The following SEMA4D variants were observed in gnomAD, a reference collection of about 807,000 sequenced individuals.
The protein encoded by SEMA4D is semaphorin-4D.
A neutral mutation model predicts 74.8 loss-of-function variants in SEMA4D; 22 were observed. That is an observed-to-expected ratio of 0.29 (90% CI 0.21 to 0.42). The LOEUF (loss-of-function observed/expected upper bound fraction) is 0.42, where lower values mean the gene tolerates loss of function less well. SEMA4D is among the 10% of genes least tolerant of loss of function. The pLI, the probability that SEMA4D is intolerant of heterozygous loss-of-function variation, is 1.00. For synonymous variants in SEMA4D, 445 were observed against 463.7 expected (o/e 0.96, Z 0.52); for missense variants, 937 against 1,118.4 (o/e 0.84, Z 2.31).
rs925697923 is a variant in SEMA4D at position 89,388,502 on chromosome 9, C to T, written c.1107+134G>A. 2.1e-5 allele frequency: 22 copies of T among 1,044,136 alleles called. No individual in the cohort carries two copies. The Admixed American group carries it at 4.2e-4, about 20-fold the overall frequency. 64.7% of individuals were successfully genotyped at this position (1,044,136 alleles called of 1,614,324 possible). ...AGAAGGATGAGCTGTGCTCATCGGC[C>T]GTCCCTGTCCCAATGCAGAGAGCCT... On this transcript the variant is annotated intron_variant, in intron 11 of 15. Coordinates refer to ENST00000422704, the MANE Select transcript of SEMA4D (RefSeq NM_001371194.2).
At position 89,377,908 on chromosome 9, in the gene SEMA4D, T is replaced by A; in HGVS notation, c.*796A>T. On this transcript the variant is annotated 3_prime_UTR_variant, in exon 16 of 16. Coordinates refer to ENST00000422704, the MANE Select transcript of SEMA4D (RefSeq NM_001371194.2). ...AGTAAAAGTTAAAAAAAAAGAAAAG[T>A]AAAACGAAGTACAGAAAGAAAATCT... is the stretch of plus-strand genomic sequence containing the variant. 1 of 145,874 alleles carries A rather than the reference T, an allele frequency of 6.9e-6. No individual in the cohort carries two copies. The highest frequency in any genetic ancestry group is 2.6e-5 in the African/African-American group (1 of 39,128). 9.0% of individuals were successfully genotyped at this position (145,874 alleles called of 1,614,324 possible). A position where few individuals can be genotyped will look rare whatever the true frequency, so the allele number is the denominator to read the frequency against.
chr9:89,400,632 T>A (rs903937035), intron 4 of SEMA4D, among the ~76,000 whole-genome samples: 2 of 152,192 alleles, frequency 1.3e-5, no homozygotes, highest in Non-Finnish European at 2.9e-5. Flanking sequence ...GAACAGAGTC[T>A]CATTTAAAAT....
intron 6 of SEMA4D, among the ~76,000 whole-genome samples, chr9:89,395,260 T>C (rs1391623301): frequency 6.6e-6 from 1 of 151,994 alleles, no homozygotes; most frequent in East Asian, 1.9e-4. Flanking sequence ...ACCCCATCTC[T>C]ACTAAAAATA....
At chr9:89,362,359 CTTG>C (rs777001255) in exon 19 of SEMA4D, 1 of 1,613,890 alleles carries the variant, frequency 6.2e-7, no homozygotes, top group African/African-American at 1.3e-5. Flanking sequence ...GCAGCAGGGT[CTTG>C]TTGGGGTTGA....
At chr9:89,496,109 C>T (rs762629033) in intron 1 of SEMA4D, among the ~76,000 whole-genome samples, 1 of 152,186 alleles carries the variant, frequency 6.6e-6, no homozygotes, top group Non-Finnish European at 1.5e-5. Flanking sequence ...ATCTCCCTGG[C>T]CCCAGACCCA....
intron 16 of SEMA4D, chr9:89,369,059 G>A (rs1834139809): frequency 6.6e-6 from 1 of 152,274 alleles, no homozygotes; most frequent in Non-Finnish European, 1.5e-5. Context: ...AAGGACCTCA[G>A]AGCACAGGGA....
rs751763265 is a variant in SEMA4D, at chr9:89,378,668, C to T, written c.*36G>A. On this transcript the variant is annotated 3_prime_UTR_variant, in exon 16 of 16. Coordinates refer to ENST00000422704, the MANE Select transcript of SEMA4D (RefSeq NM_001371194.2). ...CAAAACTCTCCACGCCTGGACACGT[C>T]GCAGCCGAGGCACCAGCGGGGATGC... 9.1e-6 allele frequency: 14 copies of T among 1,538,466 alleles called. No individual in the cohort carries two copies. In the South Asian group the frequency reaches 1.0e-4, roughly 11 times the overall value.
intron 1 of SEMA4D, among the ~76,000 whole-genome samples, chr9:89,469,338 C>T (rs79665780): frequency 6.6e-6 from 1 of 152,094 alleles, no homozygotes; most frequent in Non-Finnish European, 1.5e-5. Flanking sequence ...AGGTTCCTTA[C>T]ATGTTTGGTA....
intron 2 of SEMA4D, among the ~76,000 whole-genome samples, chr9:89,452,448 G>A (rs1854820182): frequency 1.3e-5 from 2 of 151,912 alleles, no homozygotes; most frequent in South Asian, 2.1e-4. Flanking sequence ...AAAGTGCTGG[G>A]ATTACAGGTG....
At chr9:89,423,688 G>C (rs145471801) in intron 2 of SEMA4D, among the ~76,000 whole-genome samples, 1 of 151,780 alleles carries the variant, frequency 6.6e-6, no homozygotes, top group African/African-American at 2.4e-5. Context: ...CTATCCCTCA[G>C]ATACTTCCTT....
intron 2 of SEMA4D, among the ~76,000 whole-genome samples, chr9:89,439,533 T>G (rs1443000947): frequency 6.6e-6 from 1 of 152,222 alleles, no homozygotes; most frequent in Non-Finnish European, 1.5e-5. Flanking sequence ...AAGCATTTCT[T>G]CTATGATTAA....
At chr9:89,475,253 G>A (rs1170313928) in intron 1 of SEMA4D, among the ~76,000 whole-genome samples, 1 of 152,212 alleles carries the variant, frequency 6.6e-6, no homozygotes. Flanking sequence ...AGGTGGGACT[G>A]AGACCCATGT....
chr9:89,457,049 A>C (rs533573573), intron 1 of SEMA4D, among the ~76,000 whole-genome samples: 3 of 152,228 alleles, frequency 2.0e-5, no homozygotes, highest in African/African-American at 7.2e-5. Context: ...CCCCTCCCAC[A>C]AGGCACAGAG....
chr9:89,392,367 G>T (rs962403048), intron 8 of SEMA4D, 56 bp downstream of exon 8: 2 of 1,297,022 alleles, frequency 1.5e-6, no homozygotes, highest in African/African-American at 1.5e-5. Flanking sequence ...AGATCAACAG[G>T]TGTGCACTCA....
chr9:89,463,148 G>C (rs989496879), intron 1 of SEMA4D, among the ~76,000 whole-genome samples: 7 of 151,860 alleles, frequency 4.6e-5, no homozygotes, highest in Admixed American at 2.0e-4. Context: ...CCAATGTGTT[G>C]AGTTCAGACT....
At chr9:89,444,323 CAT>C (rs1473212665) in intron 2 of SEMA4D, among the ~76,000 whole-genome samples, 1 of 152,156 alleles carries the variant, frequency 6.6e-6, no homozygotes, top group African/African-American at 2.4e-5. Flanking sequence ...CAGGCAAACA[CAT>C]ACAGGCATAC....
At chr9:89,469,321 CAG>C (rs1859564877) in intron 1 of SEMA4D, among the ~76,000 whole-genome samples, 2 of 152,188 alleles carry the variant, frequency 1.3e-5, no homozygotes, top group Non-Finnish European at 2.9e-5. Context: ...TGAAAAGGCT[CAG>C]AGATAGGTTC....
chr9:89,387,878 A>G (rs927203822), intron 11 of SEMA4D, among the ~76,000 whole-genome samples: 1 of 152,360 alleles, frequency 6.6e-6, no homozygotes, highest in East Asian at 1.9e-4. Flanking sequence ...TTGTAAGTGA[A>G]AAACACTTAT....
intron 2 of SEMA4D, among the ~76,000 whole-genome samples, chr9:89,424,307 C>T (rs968870275): frequency 6.6e-6 from 1 of 152,188 alleles, no homozygotes; most frequent in African/African-American, 2.4e-5. Flanking sequence ...CACCAAGGTG[C>T]GGAAAGGTCC....
Sources: allele counts gnomAD v4.1 joint callset (sites outside exome capture counted in the v4.1 genomes callset), GRCh38; gene constraint gnomAD v4.1.1; transcripts MANE v1.5; gene names NCBI Gene and HGNC (gene_info 2026-07-23, HGNC 2026-07-21).